The following STXBP4 variants were observed in gnomAD, a reference collection of about 807,000 sequenced individuals.
STXBP4 encodes syntaxin binding protein 4.
In STXBP4, 55 loss-of-function variants were observed where a neutral mutation model predicts 76.1. That is an observed-to-expected ratio of 0.72 (90% confidence interval 0.58 to 0.91). The LOEUF (loss-of-function observed/expected upper bound fraction) is 0.91. STXBP4 is among the 40% of genes least tolerant of loss of function. STXBP4 has a pLI of 0.00. For synonymous variants in STXBP4, 201 were observed against 220.2 expected (o/e 0.91, Z 0.77); for missense variants, 618 against 636.9 (o/e 0.97, Z 0.32).
At chr17:55,030,357 G>A (rs1010460824) in intron 8 of STXBP4, among the ~76,000 whole-genome samples, 1 of 151,292 alleles carries the variant, frequency 6.6e-6, no homozygotes, top group African/African-American at 2.4e-5. Context: ...TTACTAATCC[G>A]CATGGACAAG....
Position 55,080,009 on chromosome 17 carries a change from G to T in STXBP4, c.1356-1041G>T, listed in dbSNP as rs529796329. On this transcript the variant is annotated intron_variant, in intron 15 of 17. Coordinates refer to ENST00000376352, the MANE Select transcript of STXBP4 (RefSeq NM_178509.6). ...ATTTCATGATTATTACTCTCAGTAA[G>T]GATCTTAAAATAATCAGTAATCACA... Among the ~76,000 whole-genome samples, 9 of 152,180 alleles carry T rather than the reference G, an allele frequency of 5.9e-5. No individual in the cohort carries two copies. The East Asian group carries it at 9.7e-4, about 16-fold the overall frequency.
At chr17:55,123,881 A>G (rs1177908605) in intron 16 of STXBP4, among the ~76,000 whole-genome samples, 2 of 152,070 alleles carry the variant, frequency 1.3e-5, no homozygotes, top group Non-Finnish European at 2.9e-5. Flanking sequence ...ACCTGGCGAC[A>G]AAGCAAGACT....
At chr17:55,211,801 T>TTTG in the STXBP4 span, among the ~76,000 whole-genome samples, 6 of 100,066 alleles carry the variant, frequency 6.0e-5, no homozygotes, top group East Asian at 3.3e-4. Context: ...TTTTTGTTGT[T>TTTG]TTTTTTTTTT....
At chr17:55,041,742 T>A (rs1182750987) in intron 10 of STXBP4, among the ~76,000 whole-genome samples, 1 of 152,172 alleles carries the variant, frequency 6.6e-6, no homozygotes, top group Non-Finnish European at 1.5e-5. Flanking sequence ...ATTATACTTT[T>A]TTTTTGGCAG....
chr17:55,128,496 G>A (rs2079937010), intron 16 of STXBP4, among the ~76,000 whole-genome samples: 1 of 152,186 alleles, frequency 6.6e-6, no homozygotes, highest in Admixed American at 6.5e-5. Context: ...ACTTTACTGT[G>A]CCTAACTTTG....
chr17:55,113,264 A>C (rs1222700645), intron 16 of STXBP4, among the ~76,000 whole-genome samples: 39 of 144,350 alleles, frequency 2.7e-4, no homozygotes, highest in African/African-American at 1.0e-3. Flanking sequence ...CACACACACG[A>C]GGTAGCTATA....
intron 8 of STXBP4, among the ~76,000 whole-genome samples, chr17:55,012,857 C>G (rs1367879416): frequency 1.3e-5 from 2 of 152,184 alleles, no homozygotes; most frequent in Non-Finnish European, 2.9e-5. Flanking sequence ...AAGGTCCCCT[C>G]GAGTGGCATA....
intron 1 of STXBP4, among the ~76,000 whole-genome samples, chr17:54,970,776 A>T (rs1598133508): frequency 6.6e-6 from 1 of 152,360 alleles, no homozygotes. Context: ...GTCAGTATAC[A>T]GTCTTTGTCT....
rs1296549447 is a variant in STXBP4 at position 55,162,532 on chromosome 17, A to G, written c.*2621A>G. 3 of 151,344 alleles carry G rather than the reference A, an allele frequency of 2.0e-5. No individual in the cohort carries two copies. The highest frequency in any genetic ancestry group is 4.4e-5 in the Non-Finnish European group (3 of 67,940). 9.4% of individuals were successfully genotyped at this position (151,344 alleles called of 1,614,324 possible). On this transcript the variant is annotated 3_prime_UTR_variant, in exon 18 of 18. Transcript: ENST00000376352. Reference sequence around the variant, plus strand: ...CTAAACACTGTGGTGAAGTAGAACAATTGCTAATCATTTCCTGGGTTCCAC... The same window carrying G: ...CTAAACACTGTGGTGAAGTAGAACAGTTGCTAATCATTTCCTGGGTTCCAC...
intron 8 of STXBP4, among the ~76,000 whole-genome samples, chr17:55,024,285 A>G (rs1386612487): frequency 6.6e-6 from 1 of 152,228 alleles, no homozygotes; most frequent in Non-Finnish European, 1.5e-5. Flanking sequence ...TACACTAGAG[A>G]AATTCTAGTG....
At chr17:55,023,956 A>G (rs1371326949) in intron 8 of STXBP4, among the ~76,000 whole-genome samples, 1 of 151,316 alleles carries the variant, frequency 6.6e-6, no homozygotes, top group African/African-American at 2.4e-5. Flanking sequence ...CACTAGAGAA[A>G]TGCTCCAACC....
chr17:55,060,486 A>G (rs2078982382), intron 12 of STXBP4, among the ~76,000 whole-genome samples: 2 of 152,114 alleles, frequency 1.3e-5, no homozygotes, highest in African/African-American at 4.8e-5. Context: ...CTTGACACCA[A>G]GTTACTACAG....
At chr17:54,975,248 C>T (rs964449435) in intron 1 of STXBP4, among the ~76,000 whole-genome samples, 2 of 152,214 alleles carry the variant, frequency 1.3e-5, no homozygotes, top group African/African-American at 4.8e-5. Flanking sequence ...AAGTGATCTT[C>T]CTGCCTCAGC....
rs2080343596 is a variant in STXBP4, at chr17:55,162,314, A to C, written c.*2403A>C. 6.6e-6 allele frequency: 1 copy of C among 152,236 alleles called. No homozygotes were observed. Among genetic ancestry groups the C allele is most frequent in the African/African-American group, 2.4e-5 (1 of 41,454 alleles). 9.4% of individuals were successfully genotyped at this position (152,236 alleles called of 1,614,324 possible). A position where few individuals can be genotyped will look rare whatever the true frequency, so the allele number is the denominator to read the frequency against. ...TTGGCGAGTAGCCAGTCTTTCTTTA[A>C]CATCAATCAACCGTAGCAATGTGGT... On this transcript the variant is annotated 3_prime_UTR_variant, in exon 18 of 18. Coordinates refer to ENST00000376352, the MANE Select transcript of STXBP4 (RefSeq NM_178509.6).
intron 13 of STXBP4, among the ~76,000 whole-genome samples, chr17:55,075,103 G>GT (rs2079165145): frequency 6.6e-6 from 1 of 151,552 alleles, no homozygotes; most frequent in African/African-American, 2.4e-5. Context: ...AACATTACTA[G>GT]TACCTTTGAA....
rs1187503596 is a variant in STXBP4 at position 55,129,575 on chromosome 17, A to G, written c.1490-11735A>G. On this transcript the variant is annotated intron_variant, in intron 16 of 17. Coordinates refer to ENST00000376352, the MANE Select transcript of STXBP4 (RefSeq NM_178509.6). ...ATATTTTATTTCTCAAAAGAAAGAA[A>G]GAAAGAAAGAAAAGAAAAGAAGGAG... 2.0e-5 allele frequency among the ~76,000 whole-genome samples: 3 copies of G among 152,186 alleles called. 1 individual carries two copies. The East Asian group carries it at 5.8e-4, about 29-fold the overall frequency.
intron 8 of STXBP4, among the ~76,000 whole-genome samples, chr17:55,014,182 G>A (rs2078163265): frequency 6.6e-6 from 1 of 152,124 alleles, no homozygotes; most frequent in African/African-American, 2.4e-5. Context: ...ACTGCCTTTA[G>A]GGGGAGGGAG....
At position 55,083,436 on chromosome 17, in the gene STXBP4, G is replaced by T. The variant is rs192093517; in HGVS notation, c.1489+2253G>T. Among the ~76,000 whole-genome samples the T allele has an allele frequency of 2.0e-5, 3 of 152,234 alleles. No individual in the cohort carries two copies. The East Asian group carries it at 5.8e-4, about 29-fold the overall frequency. ...TACTCGGGAATAAGTTTTGAATTGTGGTTGAACTATGTACATAGCACTTTT... is the reference window on the plus strand; with the variant it reads ...TACTCGGGAATAAGTTTTGAATTGTTGTTGAACTATGTACATAGCACTTTT... On this transcript the variant is annotated intron_variant, in intron 16 of 17. Coordinates refer to ENST00000376352, the MANE Select transcript of STXBP4 (RefSeq NM_178509.6).
chr17:55,011,576 G>C (rs987642990), intron 8 of STXBP4, among the ~76,000 whole-genome samples: 1 of 142,554 alleles, frequency 7.0e-6, no homozygotes, highest in East Asian at 2.1e-4. Flanking sequence ...GGGACCCAAA[G>C]AGGGTAGCCA....
Sources: gnomAD v4.1 joint callset for allele counts (sites outside exome capture counted in the v4.1 genomes callset) on GRCh38, gnomAD v4.1.1 for gene constraint, MANE v1.5 for transcripts, NCBI Gene and HGNC (gene_info 2026-07-23, HGNC 2026-07-21) for gene names.